DISC1: variants seen among roughly 807,000 people sequenced by gnomAD.
DISC1 encodes DISC1 scaffold protein.
A neutral mutation model predicts 84.5 loss-of-function variants in DISC1; 57 were observed. That is an observed-to-expected ratio of 0.67 (90% CI 0.55 to 0.84). The LOEUF (loss-of-function observed/expected upper bound fraction) is 0.84. Among genes scored for constraint, DISC1 ranks in the 40% least tolerant of loss-of-function variants. The pLI is 0.00. For synonymous variants in DISC1, 411 were observed against 415.2 expected (o/e 0.99, Z 0.12); for missense variants, 1,000 against 1,057.8 (o/e 0.95, Z 0.76).
rs75480015 is a variant in DISC1, at chr1:231,808,156, A to T, written c.1792+7946A>T. On this transcript the variant is annotated intron_variant, in intron 8 of 12. Coordinates refer to ENST00000439617, the MANE Select transcript of DISC1 (RefSeq NM_018662.3). ...GGGAAATTTAAAAATACTGGTACCC[A>T]GGCAGCACCAAATTCCTTCGGTCAG... 4.8e-3 allele frequency among the ~76,000 whole-genome samples: 725 copies of T among 152,336 alleles called. 4 individuals carry two copies. The highest frequency in any genetic ancestry group is 0.016 in the African/African-American group (685 of 41,568).
At chr1:231,829,868 G>T (rs191416430) in intron 9 of DISC1, among the ~76,000 whole-genome samples, 19 of 150,052 alleles carry the variant, frequency 1.3e-4, no homozygotes, top group East Asian at 9.9e-4. Flanking sequence ...GGGCAGGAGT[G>T]GGGGGGTCAC....
At chr1:231,681,573 T>C (rs974705307) in intron 1 of DISC1, among the ~76,000 whole-genome samples, 1 of 152,154 alleles carries the variant, frequency 6.6e-6, no homozygotes, top group African/African-American at 2.4e-5. Flanking sequence ...ATTCATGAAT[T>C]GAAAATAACT....
chr1:231,738,721 T>G (rs1008112204), intron 3 of DISC1, among the ~76,000 whole-genome samples: 4 of 152,318 alleles, frequency 2.6e-5, no homozygotes, highest in South Asian at 2.1e-4. Context: ...TGATGCCTAC[T>G]CCCCATCAAA....
chr1:232,009,655 C>G lies in DISC1; in HGVS notation c.2307+606C>G. 1 of 851,120 alleles carries G rather than the reference C, an allele frequency of 1.2e-6. No homozygotes were observed. Among genetic ancestry groups the G allele is most frequent in the Non-Finnish European group, 1.4e-6 (1 of 707,854 alleles). 52.7% of individuals were successfully genotyped at this position (851,120 alleles called of 1,614,324 possible). ...CAAATTAAAATATGGTTTTATTTAACTTTCTTTTTCTCTCCCCTCTTTCCT... is the reference window on the plus strand; with the variant it reads ...CAAATTAAAATATGGTTTTATTTAAGTTTCTTTTTCTCTCCCCTCTTTCCT... On this transcript the variant is annotated intron_variant, in intron 11 of 12. Coordinates refer to ENST00000439617, the MANE Select transcript of DISC1 (RefSeq NM_018662.3). This position sits in a 1 kb window ranked among gnomAD's most constrained non-coding sequence, Gnocchi z 4.6.
At chr1:231,877,870 G>A (rs1319831467) in intron 9 of DISC1, among the ~76,000 whole-genome samples, 3 of 152,144 alleles carry the variant, frequency 2.0e-5, no homozygotes, top group African/African-American at 7.2e-5. Context: ...AATAAAAAAT[G>A]ACTTAATAGC....
Position 232,031,227 on chromosome 1 carries a change from G to A in DISC1, c.2425+4675G>A, listed in dbSNP as rs61835606. ...AGAGGAAGGAAGGAAGGGAGAAAGAGAGAGAGAAAGAGAGGAAGGAAGGAA... is the reference window on the plus strand; with the variant it reads ...AGAGGAAGGAAGGAAGGGAGAAAGAAAGAGAGAAAGAGAGGAAGGAAGGAA... On this transcript the variant is annotated intron_variant, in intron 12 of 12. Coordinates refer to ENST00000439617, the MANE Select transcript of DISC1 (RefSeq NM_018662.3). This position sits in a 1 kb window ranked among gnomAD's most constrained non-coding sequence, Gnocchi z 4.6. Among the ~76,000 whole-genome samples the A allele has an allele frequency of 1.8e-5, 2 of 109,054 alleles. No individual in the cohort carries two copies. Among genetic ancestry groups the A allele is most frequent in the Non-Finnish European group, 2.1e-5 (1 of 46,634 alleles). 71.5% of individuals were successfully genotyped at this position (109,054 alleles called of 152,430 possible). A position where few individuals can be genotyped will look rare whatever the true frequency, so the allele number is the denominator to read the frequency against.
chr1:231,869,730 C>T (rs956599625), intron 9 of DISC1, among the ~76,000 whole-genome samples: 1 of 152,094 alleles, frequency 6.6e-6, no homozygotes, highest in South Asian at 2.1e-4. Context: ...CAAACACTGC[C>T]CATTGGGCTC....
At chr1:231,784,290 A>G (rs1421266329) in intron 6 of DISC1, among the ~76,000 whole-genome samples, 2 of 151,432 alleles carry the variant, frequency 1.3e-5, no homozygotes, top group Non-Finnish European at 2.9e-5. Context: ...GTGACACCTC[A>G]TTTTCAGTTT....
chr1:231,708,586 G>A (rs2067394205), intron 3 of DISC1, among the ~76,000 whole-genome samples: 1 of 152,156 alleles, frequency 6.6e-6, no homozygotes, highest in Non-Finnish European at 1.5e-5. Context: ...ATTACATCAC[G>A]TGATTACTGT....
rs140000870 is a variant in DISC1 at position 231,761,976 on chromosome 1, C to T, written c.1269-5164C>T. 2.8e-3 allele frequency among the ~76,000 whole-genome samples: 432 copies of T among 152,152 alleles called. 2 individuals carry two copies. The highest frequency in any genetic ancestry group is 8.0e-3 in the African/African-American group (332 of 41,504). ...ACTCTGCAGCCCAGAGGAGGAAGTG[C>T]GTTTCGTTCCCACCGACATCAGTAC... On this transcript the variant is annotated intron_variant, in intron 4 of 12. Transcript: ENST00000439617.
At chr1:231,904,129 A>G (rs1053742280) in intron 9 of DISC1, among the ~76,000 whole-genome samples, 1 of 152,130 alleles carries the variant, frequency 6.6e-6, no homozygotes, top group African/African-American at 2.4e-5. Flanking sequence ...ATCTATCTTC[A>G]TCTATGGCAC....
chr1:231,626,985 G>T, intron 1 of DISC1, 51 bp downstream of exon 1: 1 of 1,322,000 alleles, frequency 7.6e-7, no homozygotes, highest in Non-Finnish European at 1.0e-6. Flanking sequence ...GTCCTGGCAA[G>T]GAGGGCGCGC....
At chr1:231,779,980 C>T (rs985296633) in intron 6 of DISC1, among the ~76,000 whole-genome samples, 1 of 151,932 alleles carries the variant, frequency 6.6e-6, no homozygotes, top group South Asian at 2.1e-4. Context: ...CAGGCTGTAA[C>T]CCCCTTTTAA....
chr1:231,836,184 T>C (rs1278663288), intron 9 of DISC1, among the ~76,000 whole-genome samples: 1 of 152,264 alleles, frequency 6.6e-6, no homozygotes, highest in East Asian at 1.9e-4. Context: ...CTTTGGCTGT[T>C]TTTTTCTTTA....
At chr1:231,952,912 C>T (rs1440891261) in intron 9 of DISC1, among the ~76,000 whole-genome samples, 1 of 151,946 alleles carries the variant, frequency 6.6e-6, no homozygotes, top group African/African-American at 2.4e-5. Context: ...TGTCTTTGAA[C>T]ACCTGCTTCA....
chr1:232,000,706 T>C (rs989779253), intron 10 of DISC1, among the ~76,000 whole-genome samples: 6 of 152,194 alleles, frequency 3.9e-5, no homozygotes, highest in African/African-American at 1.4e-4. Context: ...CAGAGAGATT[T>C]ACTACCTATA....
intron 10 of DISC1, among the ~76,000 whole-genome samples, chr1:231,983,626 G>A (rs1663964589): frequency 8.5e-6 from 1 of 117,214 alleles, no homozygotes; most frequent in African/African-American, 3.2e-5. Flanking sequence ...GGGGTTGGGG[G>A]GAAGGGTTGG....
At chr1:231,926,687 T>C (rs1311692793) in intron 9 of DISC1, among the ~76,000 whole-genome samples, 1 of 152,150 alleles carries the variant, frequency 6.6e-6, no homozygotes, top group African/African-American at 2.4e-5. Flanking sequence ...GAGGCAGTAA[T>C]AGCACTTTTA....
intron 1 of DISC1, among the ~76,000 whole-genome samples, chr1:231,653,463 T>TTAATGGATCAGAACTGGAAGTGGCAGA (rs2060806234): frequency 6.6e-6 from 1 of 152,102 alleles, no homozygotes. Context: ...ACAGGAGGTT[T>TTAATGGATCAGAACTGGAAGTGGCAGA]TAATGGATCA....
Sources: allele counts gnomAD v4.1 joint callset (sites outside exome capture counted in the v4.1 genomes callset), GRCh38; gene constraint gnomAD v4.1.1; non-coding constraint Gnocchi (gnomAD v3.1); transcripts MANE v1.5; gene names NCBI Gene and HGNC (gene_info 2026-07-23, HGNC 2026-07-21).